The following WDFY4 variants were observed in gnomAD, a reference collection of about 807,000 sequenced individuals.
WDFY4 encodes WD repeat- and FYVE domain-containing protein 4.
Under a neutral mutation model 351.9 loss-of-function variants are expected in WDFY4, and 169 were observed. The observed-to-expected ratio is 0.48, with a 90% CI of 0.42 to 0.55. The LOEUF (loss-of-function observed/expected upper bound fraction) is 0.55. Ranked by LOEUF, WDFY4 falls within the 20% of genes least tolerant of loss-of-function variation. The probability of loss-of-function intolerance (pLI) is 0.00; values close to 1 mark genes in which losing one functional copy is unlikely to be tolerated. For missense variants in WDFY4, 3,803 were observed against 3,935.6 expected, an observed-to-expected ratio of 0.97 and a Z score of 0.90; for synonymous variants, 1,622 against 1,574.6, an observed-to-expected ratio of 1.03 and a Z score of -0.71.
intron 39 of WDFY4, among the ~76,000 whole-genome samples, chr10:48,844,840 T>G (rs2068722887): frequency 6.6e-6 from 1 of 152,142 alleles, no homozygotes; most frequent in South Asian, 2.1e-4. Context: ...ACACTCTGTT[T>G]GAGGGGAAGC....
chr10:48,764,497 G>A (rs1006952762), intron 13 of WDFY4, among the ~76,000 whole-genome samples: 3 of 152,238 alleles, frequency 2.0e-5, no homozygotes, highest in Admixed American at 6.5e-5. Flanking sequence ...AGCAGGCTTA[G>A]CAGCCATGAG....
In WDFY4 at chr10:48,976,948, T is replaced by C; in HGVS notation, c.9260T>C (p.Ile3087Thr). The stretch of plus-strand genomic sequence containing the variant: ...CCAGCATGGGACACAAGCCAGATCA[T>C]CATCACCGGGAGTCAAGACGGCATG... The part of the protein sequence containing the change: ...EGPAWDTSQI[I>T]ITGSQDGMVR... The change falls in exon 59 of 62, where the codon ATC (isoleucine) becomes ACC (threonine). Residue 3087 changes from isoleucine (I) to threonine (T), a missense_variant. Physicochemically the swap from Ile to Thr is moderately conservative, Grantham distance 89. Coordinates refer to ENST00000325239, the MANE Select transcript of WDFY4 (RefSeq NM_001394531.1). The C allele has an allele frequency of 6.7e-7, 1 of 1,501,168 alleles. No homozygotes were observed. The highest frequency in any genetic ancestry group is 8.9e-7 in the Non-Finnish European group (1 of 1,119,072). 93.0% of individuals were successfully genotyped at this position (1,501,168 alleles called of 1,614,324 possible). A position where few individuals can be genotyped will look rare whatever the true frequency, so the allele number is the denominator to read the frequency against.
intron 13 of WDFY4, among the ~76,000 whole-genome samples, chr10:48,770,556 C>T (rs1030086678): frequency 1.3e-5 from 2 of 152,132 alleles, no homozygotes; most frequent in Non-Finnish European, 2.9e-5. Context: ...ATGAGATATT[C>T]AAGGCAAGAG....
chr10:48,915,984 A>C (rs1028437247), intron 47 of WDFY4, among the ~76,000 whole-genome samples: 8 of 152,242 alleles, frequency 5.3e-5, no homozygotes, highest in African/African-American at 1.9e-4. Flanking sequence ...AAACAGCTTA[A>C]AAAACAAAGT....
intron 2 of WDFY4, among the ~76,000 whole-genome samples, chr10:48,717,096 G>A (rs4838642): frequency 0.71 from 107,924 of 152,142 alleles, 39,384 homozygotes; most frequent in East Asian, 0.99. Context: ...TATAAAGTAG[G>A]CATAGTAATA....
intron 39 of WDFY4, among the ~76,000 whole-genome samples, chr10:48,846,535 G>A (rs2068783492): frequency 6.6e-6 from 1 of 152,244 alleles, no homozygotes; most frequent in African/African-American, 2.4e-5. Flanking sequence ...ATCACTGGCT[G>A]AAAAGAGACT....
At chr10:48,962,392 CCAA>C (rs1841898060) in intron 53 of WDFY4, among the ~76,000 whole-genome samples, 1 of 152,252 alleles carries the variant, frequency 6.6e-6, no homozygotes, top group Admixed American at 6.5e-5. Flanking sequence ...TCCCAGAGGA[CCAA>C]CAAGGGGAGC....
Position 48,729,429 on chromosome 10 carries a change from C to T in WDFY4, c.972-3C>T. On this transcript the variant is annotated splice_polypyrimidine_tract_variant and splice_region_variant and intron_variant, in intron 7 of 61. Transcript: ENST00000325239. ...AGGGAGCTGGCCTCATCTGTTCCCC[C>T]AGGTATGATGGGCTGACCCAGAGCG... 6.4e-7 allele frequency: 1 copy of T among 1,550,584 alleles called. No homozygotes were observed. Among genetic ancestry groups the T allele is most frequent in the Non-Finnish European group, 8.7e-7 (1 of 1,146,972 alleles).
At position 48,954,668 on chromosome 10, in the gene WDFY4, AC is replaced by A. The variant is rs11299352; in HGVS notation, c.7978-2458del. The stretch of plus-strand genomic sequence containing the variant: ...CTGGCAGCCACCAGAGTTTACATCA[AC>A]CCACAGACTTACAATACAAGTAACA... On this transcript the variant is annotated intron_variant, in intron 51 of 61. Transcript: ENST00000325239. Among the ~76,000 whole-genome samples, 1,384 of 152,194 alleles carry A rather than the reference AC, an allele frequency of 9.1e-3. 28 individuals carry two copies. Among genetic ancestry groups the A allele is most frequent in the African/African-American group, 0.032 (1,324 of 41,516 alleles).
At chr10:48,724,916 T>A (rs2064215347) in intron 5 of WDFY4, among the ~76,000 whole-genome samples, 1 of 152,164 alleles carries the variant, frequency 6.6e-6, no homozygotes, top group Non-Finnish European at 1.5e-5. Context: ...GCCAAAGGTA[T>A]ACTGGGCAAT....
chr10:48,706,414 A>G (rs577101034), intron 1 of WDFY4, among the ~76,000 whole-genome samples: 21 of 152,318 alleles, frequency 1.4e-4, no homozygotes, highest in African/African-American at 5.1e-4. Context: ...CACCAGCTGC[A>G]GGGAGCTCTG....
intron 39 of WDFY4, among the ~76,000 whole-genome samples, chr10:48,853,199 T>C (rs139972060): frequency 0.011 from 1,621 of 152,278 alleles, 27 homozygotes; most frequent in African/African-American, 0.037. Flanking sequence ...TGAGGGATCT[T>C]ATTATCTCTC....
intron 47 of WDFY4, chr10:48,914,258 G>T (rs762752325): frequency 4.6e-6 from 6 of 1,290,726 alleles, no homozygotes; most frequent in Non-Finnish European, 6.3e-6. Context: ...AAAACATCTG[G>T]TTAGGAGATG....
At chr10:48,945,658 A>G (rs1318654035) in intron 49 of WDFY4, among the ~76,000 whole-genome samples, 5 of 152,200 alleles carry the variant, frequency 3.3e-5, no homozygotes, top group African/African-American at 1.2e-4. Flanking sequence ...ACTTCCTGTA[A>G]AATCAGTTTG....
intron 20 of WDFY4, among the ~76,000 whole-genome samples, 190 bp from the exon 21 acceptor site, chr10:48,788,340 A>G (rs944807446): frequency 4.6e-5 from 7 of 152,190 alleles, no homozygotes; most frequent in Non-Finnish European, 8.8e-5. Context: ...ACGGTTTTCT[A>G]TAACTATCAG....
intron 40 of WDFY4, among the ~76,000 whole-genome samples, chr10:48,868,902 G>A (rs2069654040): frequency 6.6e-6 from 1 of 152,136 alleles, no homozygotes. Flanking sequence ...ACTCCCTCAA[G>A]CCCAGAAGGA....
At chr10:48,804,158 A>G (rs904643643) in intron 25 of WDFY4, among the ~76,000 whole-genome samples, 2 of 152,166 alleles carry the variant, frequency 1.3e-5, no homozygotes, top group African/African-American at 4.8e-5. Flanking sequence ...AATAAGAGAG[A>G]AGGAAGGCAA....
At chr10:48,902,312 G>T (rs865796068) in intron 47 of WDFY4, among the ~76,000 whole-genome samples, 1 of 152,194 alleles carries the variant, frequency 6.6e-6, no homozygotes, top group Non-Finnish European at 1.5e-5. Flanking sequence ...GCTATGGGGC[G>T]TCTCTCCCAG....
chr10:48,719,669 G>A (rs956025440), intron 2 of WDFY4, among the ~76,000 whole-genome samples: 2 of 152,244 alleles, frequency 1.3e-5, no homozygotes, highest in African/African-American at 2.4e-5. Flanking sequence ...AACCTGGAGA[G>A]GCACTCCTGG....
Sources: gnomAD v4.1 joint callset for allele counts (sites outside exome capture counted in the v4.1 genomes callset) on GRCh38, gnomAD v4.1.1 for gene constraint, MANE v1.5 for transcripts, NCBI Gene and HGNC (gene_info 2026-07-23, HGNC 2026-07-21) for gene names.